Variants in TGM6 observed in about 807,000 individuals in gnomAD.
The protein encoded by TGM6 is protein-glutamine gamma-glutamyltransferase 6.
A neutral mutation model predicts 77.5 loss-of-function variants in TGM6; 74 were observed. The ratio of observed to expected loss-of-function variants is 0.96; its 90% CI spans 0.79 to 1.16. The LOEUF is 1.16. TGM6 is among the 50% of genes most tolerant of loss of function. The probability of loss-of-function intolerance (pLI) is 0.00; values close to 1 mark genes in which losing one functional copy is unlikely to be tolerated. For missense variants in TGM6, 968 were observed against 940.2 expected, an observed-to-expected ratio of 1.03 and a Z score of -0.39; for synonymous variants, 383 against 378.9, an observed-to-expected ratio of 1.01 and a Z score of -0.12.
chr20:2,381,019 A>AG (rs767530758), intron 1 of TGM6, 44 bp downstream of exon 1: 27 of 1,605,422 alleles, frequency 1.7e-5, no homozygotes, highest in Middle Eastern at 1.7e-4. Flanking sequence ...AGGGCTCATG[A>AG]GGGGGGCTTC....
chr20:2,424,128 G>A (rs2084873203), intron 10 of TGM6, among the ~76,000 whole-genome samples: 1 of 152,096 alleles, frequency 6.6e-6, no homozygotes, highest in African/African-American at 2.4e-5. Flanking sequence ...ATTTAAATGA[G>A]CATTGGCTTC....
chr20:2,432,207 C>G (rs2084928107), intron 12 of TGM6, among the ~76,000 whole-genome samples: 1 of 152,046 alleles, frequency 6.6e-6, no homozygotes, highest in Non-Finnish European at 1.5e-5. Context: ...CACCACTGCA[C>G]CCGGCTAATT....
intron 10 of TGM6, among the ~76,000 whole-genome samples, chr20:2,429,996 T>C (rs1383124772): frequency 6.6e-6 from 1 of 152,124 alleles, no homozygotes; most frequent in East Asian, 1.9e-4. Flanking sequence ...TTGTAGGGAA[T>C]TGGCCTCACA....
At chr20:2,408,445 G>A (rs535062305) in intron 9 of TGM6, among the ~76,000 whole-genome samples, 6 of 152,282 alleles carry the variant, frequency 3.9e-5, no homozygotes, top group South Asian at 2.1e-4. Flanking sequence ...CTTGATATTT[G>A]CTTGAATCTT....
In TGM6 at chr20:2,430,568, G is replaced by A; in HGVS notation, c.1801G>A (p.Asp601Asn). ...TKGEKLLVEK[D>N]ITLEDFITIK... ...AGGAGAGAAGCTTCTGGTGGAGAAG[G>A]ACATTACTCTAGAGGACTTCATCAC... Residue 601 changes from aspartate to asparagine, a missense_variant, in exon 11 of 13, where the codon GAC (aspartate) becomes AAC (asparagine). Transcript: ENST00000202625. 3.1e-6 allele frequency: 5 copies of A among 1,614,172 alleles called. No homozygotes were observed. The highest frequency in any genetic ancestry group is 4.2e-6 in the Non-Finnish European group (5 of 1,180,034).
At chr20:2,385,197 A>G (rs1259126695) in intron 1 of TGM6, among the ~76,000 whole-genome samples, 1 of 151,980 alleles carries the variant, frequency 6.6e-6, no homozygotes, top group Non-Finnish European at 1.5e-5. Context: ...GGCAGTTCTG[A>G]CTCATCCCAC....
At chr20:2,381,233 C>A (rs2084552590) in intron 1 of TGM6, among the ~76,000 whole-genome samples, 1 of 152,156 alleles carries the variant, frequency 6.6e-6, no homozygotes, top group Non-Finnish European at 1.5e-5. Flanking sequence ...CACCCCTGTG[C>A]CTCGGAGGAC....
chr20:2,388,628 C>CAA (rs551263948), intron 1 of TGM6, among the ~76,000 whole-genome samples: 203 of 149,948 alleles, frequency 1.4e-3, no homozygotes, highest in African/African-American at 3.1e-3. Context: ...AACAAACAAA[C>CAA]AAAAAAAAAC....
At chr20:2,418,213 A>C (rs1259856457) in intron 10 of TGM6, among the ~76,000 whole-genome samples, 3 of 152,060 alleles carry the variant, frequency 2.0e-5, no homozygotes, top group Non-Finnish European at 2.9e-5. Context: ...GGGTTTCATG[A>C]TGTTGCCCAG....
intron 9 of TGM6, among the ~76,000 whole-genome samples, chr20:2,416,422 C>T (rs1187609395): frequency 6.6e-6 from 1 of 152,146 alleles, no homozygotes; most frequent in Non-Finnish European, 1.5e-5. Context: ...TAAAAATAGT[C>T]TTTTCAATAA....
At chr20:2,430,277 C>T (rs2084915696) in intron 10 of TGM6, among the ~76,000 whole-genome samples, 169 bp from the exon 11 acceptor site, 1 of 152,168 alleles carries the variant, frequency 6.6e-6, no homozygotes, top group South Asian at 2.1e-4. Flanking sequence ...AATACCCACT[C>T]TGGGCCTTAG....
chr20:2,396,619 G>C lies in TGM6; in HGVS notation c.538G>C (p.Gly180Arg). 2 of 1,614,166 alleles carry C rather than the reference G, an allele frequency of 1.2e-6. No individual in the cohort carries two copies. Among genetic ancestry groups the C allele is most frequent in the Non-Finnish European group, 1.7e-6 (2 of 1,180,018 alleles). ...KHIRAQGWNY[G>R]QFEEDILNIC... Reference sequence around the variant, plus strand: ...CATACGAGCCCAGGGCTGGAACTACGGGCAGGTCTCCAGGGGCACAGGCCA... The same window carrying C: ...CATACGAGCCCAGGGCTGGAACTACCGGCAGGTCTCCAGGGGCACAGGCCA... The change falls in exon 4 of 13, where the codon GGG (glycine) becomes CGG (arginine). Residue 180 changes from glycine to arginine, a missense_variant. Transcript: ENST00000202625.
chr20:2,383,034 C>T (rs562871047), intron 1 of TGM6, among the ~76,000 whole-genome samples: 5 of 152,260 alleles, frequency 3.3e-5, no homozygotes, highest in South Asian at 2.1e-4. Context: ...TGAGTCACTG[C>T]CTCCTGGTGA....
chr20:2,395,396 G>C lies in TGM6; in HGVS notation c.384G>C (p.Arg128Ser). The C allele has an allele frequency of 6.2e-7, 1 of 1,614,256 alleles. No homozygotes were observed. Among genetic ancestry groups the C allele is most frequent in the Non-Finnish European group, 8.5e-7 (1 of 1,180,048 alleles). The stretch of plus-strand genomic sequence containing the variant: ...CTCACCGCAAACACAGCAACCGGAG[G>C]CTGGGCGAGTTTGTTCTCCTTTTCA... Reference protein sequence around the residue: ...LSSHRKHSNRRLGEFVLLFNP... With the variant: ...LSSHRKHSNRSLGEFVLLFNP... The change falls in exon 3 of 13, where the codon AGG becomes AGC. Residue 128 changes from arginine (R) to serine (S), a missense_variant. Coordinates refer to ENST00000202625, the MANE Select transcript of TGM6 (RefSeq NM_198994.3).
rs201645096 is a variant in TGM6 at position 2,403,432 on chromosome 20, G to A, written c.1025G>A (p.Arg342Gln). Residue 342 changes from arginine (R) to glutamine (Q), a missense_variant, in exon 8 of 13, where the codon CGG becomes CAG. Coordinates refer to ENST00000202625, the MANE Select transcript of TGM6 (RefSeq NM_198994.3). ...FHVWNESWFA[R>Q]QDLGPSYNGW... ...GTCTGGAATGAGAGCTGGTTTGCCC[G>A]GCAGGACCTAGGCCCCTCTTACAAT... The A allele has an allele frequency of 1.4e-4, 225 of 1,614,092 alleles. No individual in the cohort carries two copies. In the African/African-American group the frequency reaches 2.1e-3, roughly 15 times the overall value.
In TGM6 at chr20:2,400,451, C is replaced by G. The variant is rs1167223701; in HGVS notation, c.989+7C>G. On this transcript the variant is annotated splice_region_variant and intron_variant, in intron 7 of 12. Coordinates refer to ENST00000202625, the MANE Select transcript of TGM6 (RefSeq NM_198994.3). Reference sequence around the variant, plus strand: ...TGACAGAAGACAGCATGTGGTGGGTCCTGCCCCCAGCCTAGGCCCGAGGGC... The same window carrying G: ...TGACAGAAGACAGCATGTGGTGGGTGCTGCCCCCAGCCTAGGCCCGAGGGC... 1 of 1,614,094 alleles carries G rather than the reference C, an allele frequency of 6.2e-7. No individual in the cohort carries two copies. The highest frequency in any genetic ancestry group is 1.7e-5 in the Admixed American group (1 of 60,024).
At chr20:2,381,325 C>T (rs533131343) in intron 1 of TGM6, among the ~76,000 whole-genome samples, 4 of 152,126 alleles carry the variant, frequency 2.6e-5, no homozygotes, top group Admixed American at 6.5e-5. Context: ...GATCCAGAGA[C>T]GTTTCTGGGC....
intron 1 of TGM6, among the ~76,000 whole-genome samples, chr20:2,394,102 C>G (rs994497712): frequency 6.6e-6 from 1 of 152,010 alleles, no homozygotes; most frequent in African/African-American, 2.4e-5. Flanking sequence ...CCAGTTTGAC[C>G]AACATGGCAA....
chr20:2,425,777 A>G (rs1221628128), intron 10 of TGM6, among the ~76,000 whole-genome samples: 2 of 152,210 alleles, frequency 1.3e-5, no homozygotes, highest in Non-Finnish European at 2.9e-5. Flanking sequence ...ATTTTGATAC[A>G]TGTATAGAAT....
Sources: gnomAD v4.1 joint callset for allele counts (sites outside exome capture counted in the v4.1 genomes callset) on GRCh38, gnomAD v4.1.1 for gene constraint, MANE v1.5 for transcripts, NCBI Gene and HGNC (gene_info 2026-07-23, HGNC 2026-07-21) for gene names.